MAP1S: variants seen among roughly 807,000 people sequenced by gnomAD.
The protein encoded by MAP1S is microtubule associated protein 1S.
A neutral mutation model predicts 60.9 loss-of-function variants in MAP1S; 27 were observed. The ratio of observed to expected loss-of-function variants is 0.44; its 90% CI spans 0.33 to 0.61. The LOEUF is 0.61. MAP1S is among the 20% of genes least tolerant of loss of function. MAP1S has a pLI of 0.03. For synonymous variants in MAP1S, 826 were observed against 694.2 expected, an observed-to-expected ratio of 1.19 and a Z score of -2.98; for missense variants, 1,608 against 1,486.6, an observed-to-expected ratio of 1.08 and a Z score of -1.34.
Position 17,724,117 on chromosome 19 carries a change from C to G in MAP1S, c.221-9C>G. On this transcript the variant is annotated splice_polypyrimidine_tract_variant and intron_variant, in intron 2 of 6. Transcript: ENST00000324096. ...GATTTGACTCCGGGACGGCCTGATT[C>G]CCCCACAGGCCAGCGGAGCCTGCAC... 1 of 1,611,304 alleles carries G rather than the reference C, an allele frequency of 6.2e-7. No homozygotes were observed. Among genetic ancestry groups the G allele is most frequent in the Non-Finnish European group, 8.5e-7 (1 of 1,177,968 alleles).
In MAP1S at chr19:17,725,979, G is replaced by A. The variant is rs2080414731; in HGVS notation, c.595G>A (p.Ala199Thr). 1.2e-6 allele frequency: 2 copies of A among 1,612,390 alleles called. No individual in the cohort carries two copies. The highest frequency in any genetic ancestry group is 4.5e-5 in the East Asian group (2 of 44,840). ...GCTCCAGCTGCGGCTGAACCCCCCG[G>A]CGCAGCTGCCCAACTCTGAGGGCCT... is the stretch of plus-strand genomic sequence containing the variant. ...LRLQLRLNPP[A>T]QLPNSEGLCE... Residue 199 changes from alanine (A) to threonine (T), a missense_variant, in exon 5 of 7, where the codon GCG (alanine) becomes ACG (threonine). Physicochemically the swap from Ala to Thr is moderately conservative, Grantham distance 58 (BLOSUM62 0). Transcript: ENST00000324096. The surrounding 1 kb of genome is among the most constrained non-coding windows in gnomAD (Gnocchi z 4.2).
At chr19:17,724,358 G>T in intron 3 of MAP1S, 150 bp downstream of exon 3, 1 of 654,600 alleles carries the variant, frequency 1.5e-6, no homozygotes, top group East Asian at 2.9e-5. Flanking sequence ...CTTCCCTGTG[G>T]CTTCAGCCTC....
chr19:17,720,008 TTAGA>T lies in MAP1S; in HGVS notation c.118+393_118+396del, dbSNP rs1373753673. On this transcript the variant is annotated intron_variant, in intron 1 of 6. Coordinates refer to ENST00000324096, the MANE Select transcript of MAP1S (RefSeq NM_018174.6). ...CTTTGGATCTCCAGGTCTTAGCAGCTTAGATAGAGATCTCCCGGAGGGAGAAGCA... is the reference window on the plus strand; with the variant it reads ...CTTTGGATCTCCAGGTCTTAGCAGCTTAGAGATCTCCCGGAGGGAGAAGCA... The T allele has an allele frequency of 3.5e-5, 20 of 567,706 alleles. No individual in the cohort carries two copies. In the South Asian group the frequency reaches 1.0e-3, roughly 29 times the overall value. The allele number at this position is 567,706 out of a possible 1,614,324, so 35.2% of individuals were successfully genotyped here. A position where few individuals can be genotyped will look rare whatever the true frequency, so the allele number is the denominator to read the frequency against.
At chr19:17,728,288 T>G in intron 5 of MAP1S, 116 bp downstream of exon 5, 1 of 1,185,998 alleles carries the variant, frequency 8.4e-7, no homozygotes, top group Non-Finnish European at 1.2e-6. Flanking sequence ...TCTCACTCTG[T>G]CTCTGAGCTG....
chr19:17,723,821 C>T (rs1438082153), intron 2 of MAP1S, among the ~76,000 whole-genome samples: 1 of 152,134 alleles, frequency 6.6e-6, no homozygotes, highest in Non-Finnish European at 1.5e-5. Context: ...CACCACTGCC[C>T]TCCAGCCTGG....
At chr19:17,723,572 C>T (rs541857694) in intron 2 of MAP1S, among the ~76,000 whole-genome samples, 11 of 140,912 alleles carry the variant, frequency 7.8e-5, no homozygotes, top group Middle Eastern at 4.9e-3. Context: ...AGAAAAAGGC[C>T]GGGCGCGGTG....
At chr19:17,734,249 C>T in intron 6 of MAP1S, 24 bp from the exon 7 acceptor site, 15 of 1,602,246 alleles carry the variant, frequency 9.4e-6, no homozygotes, top group Non-Finnish European at 1.2e-5. Flanking sequence ...CCACTCTCCC[C>T]ACACACCCCC....
At chr19:17,720,632 A>G in intron 1 of MAP1S, 1 of 912,816 alleles carries the variant, frequency 1.1e-6, no homozygotes. Flanking sequence ...CAGGGGAAAC[A>G]GCTGTTGCAA....
In MAP1S at chr19:17,726,916, C is replaced by G; in HGVS notation, c.1532C>G (p.Ala511Gly). 6.4e-7 allele frequency: 1 copy of G among 1,564,572 alleles called. No individual in the cohort carries two copies. Among genetic ancestry groups the G allele is most frequent in the Non-Finnish European group, 8.7e-7 (1 of 1,155,212 alleles). Residue 511 changes from alanine (A) to glycine (G), a missense_variant, in exon 5 of 7, where the codon GCC becomes GGC. Coordinates refer to ENST00000324096, the MANE Select transcript of MAP1S (RefSeq NM_018174.6). ...CGCAAGGAGCCAGCACGGGCTGAGG[C>G]CCCACGCAAGACTGAGAAAGAAGCC... ...VARKEPARAE[A>G]PRKTEKEAKT...
chr19:17,725,758 C>T lies in MAP1S; in HGVS notation c.445-71C>T, dbSNP rs1053316752. ...CTGGGGGAAAGGATGAGGGTGTCCT[C>T]GCCCAGTTTTCCCACCGGGCTAGGT... On this transcript the variant is annotated intron_variant, in intron 4 of 6. Transcript: ENST00000324096. This position sits in a 1 kb window ranked among gnomAD's most constrained non-coding sequence, Gnocchi z 4.2. 154 of 1,465,276 alleles carry T rather than the reference C, an allele frequency of 1.1e-4. No individual in the cohort carries two copies. Among genetic ancestry groups the T allele is most frequent in the Non-Finnish European group, 1.2e-4 (129 of 1,080,994 alleles). The allele number at this position is 1,465,276 out of a possible 1,614,324, so 90.8% of individuals were successfully genotyped here. A position where few individuals can be genotyped will look rare whatever the true frequency, so the allele number is the denominator to read the frequency against.
rs193273235 is a variant in MAP1S at position 17,730,813 on chromosome 19, A to G, written c.2789-2380A>G. On this transcript the variant is annotated intron_variant, in intron 5 of 6. Transcript: ENST00000324096. ...AATTCTCATGAAGTCCATTTTGTCT[A>G]TTTTTTTCTTTTGTTGTCTGCACTT... Among the ~76,000 whole-genome samples, 219 of 149,388 alleles carry G rather than the reference A, an allele frequency of 1.5e-3. 3 individuals are homozygous for G. The highest frequency in any genetic ancestry group is 4.9e-3 in the African/African-American group (198 of 40,658).
At chr19:17,731,150 C>T (rs538711223) in intron 5 of MAP1S, among the ~76,000 whole-genome samples, 1 of 152,252 alleles carries the variant, frequency 6.6e-6, no homozygotes, top group African/African-American at 2.4e-5. Flanking sequence ...CCGCCTCGGC[C>T]TCCCAGAGTA....
intron 1 of MAP1S, 41 bp downstream of exon 1, chr19:17,719,661 G>A (rs970729030): frequency 8.9e-7 from 1 of 1,126,636 alleles, no homozygotes; most frequent in Non-Finnish European, 1.1e-6. Flanking sequence ...CGGGAGGCGG[G>A]CCCGTTCGCG....
At position 17,728,109 on chromosome 19, in the gene MAP1S, G is replaced by A; in HGVS notation, c.2725G>A (p.Gly909Arg). 4.3e-6 allele frequency: 7 copies of A among 1,612,288 alleles called. No individual in the cohort carries two copies. Among genetic ancestry groups the A allele is most frequent in the Non-Finnish European group, 5.9e-6 (7 of 1,179,472 alleles). Residue 909 changes from glycine to arginine, a missense_variant, in exon 5 of 7, where the codon GGA (glycine) becomes AGA (arginine). This residue lies in a region of MAP1S where 1,167 missense variants were observed against 961.4 expected (regional missense o/e 1.21). Coordinates refer to ENST00000324096, the MANE Select transcript of MAP1S (RefSeq NM_018174.6). ...LSARSEPSEK[G>R]GRAPLSRKSS... ...TGCCCGGAGTGAGCCCAGTGAGAAG[G>A]GAGGCCGGGCACCCCTGTCCAGAAA... is the stretch of plus-strand genomic sequence containing the variant.
intron 2 of MAP1S, 25 bp from the exon 3 acceptor site, chr19:17,724,101 C>G: frequency 6.2e-7 from 1 of 1,603,044 alleles, no homozygotes; most frequent in Non-Finnish European, 8.5e-7. Flanking sequence ...GGATTTGACT[C>G]CGGGACGGCC....
chr19:17,723,025 G>A (rs961465314), intron 2 of MAP1S, among the ~76,000 whole-genome samples: 2 of 151,584 alleles, frequency 1.3e-5, no homozygotes, highest in Non-Finnish European at 2.9e-5. Flanking sequence ...CCCCCACCCC[G>A]GCTCTGGCTC....
At chr19:17,719,703 G>C (rs1393946253) in intron 1 of MAP1S, 83 bp downstream of exon 1, 70 of 372,216 alleles carry the variant, frequency 1.9e-4, no homozygotes, top group Non-Finnish European at 2.1e-4. Flanking sequence ...GGGTGGGGCG[G>C]CGGCGGCGGC....
chr19:17,724,973 C>A (rs1005226547), intron 3 of MAP1S, 76 bp from the exon 4 acceptor site: 3 of 1,593,030 alleles, frequency 1.9e-6, no homozygotes, highest in Non-Finnish European at 1.7e-6. Flanking sequence ...TGTATCGACT[C>A]GAGGCTACCC....
At position 17,725,798 on chromosome 19, in the gene MAP1S, G is replaced by C. The variant is rs2080411600; in HGVS notation, c.445-31G>C. 6.3e-7 allele frequency: 1 copy of C among 1,589,052 alleles called. No individual in the cohort carries two copies. Among genetic ancestry groups the C allele is most frequent in the African/African-American group, 1.3e-5 (1 of 74,216 alleles). ...CCGGGCTAGGTGTTGCCTGGCTCTA[G>C]GTGGTCCCTTACCACTCCTCCTCCA... On this transcript the variant is annotated intron_variant, in intron 4 of 6. Transcript: ENST00000324096. The surrounding 1 kb of genome is among the most constrained non-coding windows in gnomAD (Gnocchi z 4.2).
Sources: allele counts gnomAD v4.1 joint callset (sites outside exome capture counted in the v4.1 genomes callset), GRCh38; gene constraint gnomAD v4.1.1; regional missense constraint gnomAD v4.1.1; non-coding constraint Gnocchi (gnomAD v3.1); transcripts MANE v1.5; gene names NCBI Gene and HGNC (gene_info 2026-07-23, HGNC 2026-07-21).